BCOR: variants seen among roughly 807,000 people sequenced by gnomAD.
The protein encoded by BCOR is BCL-6 corepressor.
Under a neutral mutation model 86.7 loss-of-function variants are expected in BCOR, and 10 were observed. The observed-to-expected ratio is 0.12, with a 90% CI of 0.07 to 0.20. BCOR has a LOEUF of 0.20. Among genes scored for constraint, BCOR ranks in the 10% least tolerant of loss-of-function variants. The pLI is 1.00. For missense variants in BCOR, 1,259 were observed against 1,452.1 expected (o/e 0.87, Z 2.16); for synonymous variants, 611 against 609.0 (o/e 1.00, Z -0.05).
At chrX:40,133,552 C>T (rs758349580) in intron 1 of BCOR, among the ~76,000 whole-genome samples, 5 of 110,654 alleles carry the variant, frequency 4.5e-5, no homozygotes, top group South Asian at 3.9e-4. Flanking sequence ...CTCCGCCTCC[C>T]GGGTTCATGC....
chrX:40,105,135 G>A (rs1311740529), intron 1 of BCOR, among the ~76,000 whole-genome samples: 1 of 111,057 alleles, frequency 9.0e-6, no homozygotes, highest in Non-Finnish European at 1.9e-5. Flanking sequence ...GGGGTGCTGG[G>A]AGGCGCGCGG....
intron 1 of BCOR, among the ~76,000 whole-genome samples, chrX:40,094,170 C>T (rs1936740239): frequency 8.9e-6 from 1 of 111,772 alleles, no homozygotes; most frequent in African/African-American, 3.3e-5. Flanking sequence ...ACGGCCTTCC[C>T]TCCACCCAGC....
intron 1 of BCOR, among the ~76,000 whole-genome samples, chrX:40,131,508 G>A (rs1343941956): frequency 1.8e-5 from 2 of 111,973 alleles, no homozygotes; most frequent in East Asian, 2.8e-4. Flanking sequence ...TTAGCCAGGC[G>A]TGGTGGCACA....
rs5963737 is a variant in BCOR, at chrX:40,091,522, G to A, written c.-41+5693C>T. Among the ~76,000 whole-genome samples, 326 of 112,723 alleles carry A rather than the reference G, an allele frequency of 2.9e-3. 1 individual carries two copies. The highest frequency in any genetic ancestry group is 0.01 in the African/African-American group (311 of 31,053). ...CCCTCGATTGTAAACACATGGAGGT[G>A]AGCTTGCGCCCCAAAAGGGAGCCTT... On this transcript the variant is annotated intron_variant, in intron 1 of 14. Coordinates refer to ENST00000378444, the MANE Select transcript of BCOR (RefSeq NM_001123385.2).
At chrX:40,116,658 G>C (rs1040168439) in intron 1 of BCOR, among the ~76,000 whole-genome samples, 26 of 111,727 alleles carry the variant, frequency 2.3e-4, no homozygotes, top group South Asian at 1.9e-3. Context: ...CTGCCATCAC[G>C]GTGCAACACT....
At chrX:40,158,217 G>C (rs956385761) in intron 1 of BCOR, among the ~76,000 whole-genome samples, 3 of 112,522 alleles carry the variant, frequency 2.7e-5, no homozygotes, top group African/African-American at 9.7e-5. Context: ...ACTGGCCCTC[G>C]GGGTCCCCGT....
chrX:40,148,765 A>AC lies in BCOR; in HGVS notation c.-41+28241dup, dbSNP rs113366095. On this transcript the variant is annotated intron_variant, in intron 1 of 14. Transcript: ENST00000342274. ...TGAGGGAAGTAGGACAGATAGCATCACCCCCATTGGCAAAGGAGGGAAATG... is the reference window on the plus strand; with the variant it reads ...TGAGGGAAGTAGGACAGATAGCATCACCCCCCATTGGCAAAGGAGGGAAATG... 7.3e-4 allele frequency among the ~76,000 whole-genome samples: 81 copies of AC among 111,117 alleles called. 1 individual carries two copies. Among genetic ancestry groups the AC allele is most frequent in the African/African-American group, 2.6e-3 (78 of 30,522 alleles).
intron 1 of BCOR, among the ~76,000 whole-genome samples, chrX:40,160,523 A>G (rs1938392282): frequency 9.1e-6 from 1 of 109,498 alleles, no homozygotes; most frequent in East Asian, 2.8e-4. Flanking sequence ...CTCAAAAAAA[A>G]AAAAAAAAAA....
intron 1 of BCOR, among the ~76,000 whole-genome samples, chrX:40,112,337 C>G (rs1310214236): frequency 9.0e-6 from 1 of 111,045 alleles, no homozygotes; most frequent in Admixed American, 9.6e-5. Flanking sequence ...AAACTTCAAA[C>G]TTGGTATCTC....
Position 40,052,019 on chromosome X carries a change from G to A in BCOR, c.*90C>T. On this transcript the variant is annotated 3_prime_UTR_variant, in exon 15 of 15. Coordinates refer to ENST00000378444, the MANE Select transcript of BCOR (RefSeq NM_001123385.2). Reference sequence around the variant, plus strand: ...AGAAGAGATATTTTCATATGTAATAGTGTCCTTTCTTTACAGAAATAGTTG... The same window carrying A: ...AGAAGAGATATTTTCATATGTAATAATGTCCTTTCTTTACAGAAATAGTTG... 7.3e-6 allele frequency: 6 copies of A among 827,314 alleles called. No homozygotes were observed. Among genetic ancestry groups the A allele is most frequent in the South Asian group, 3.3e-5 (1 of 30,011 alleles). The allele number at this position is 827,314 out of a possible 1,213,427, so 68.2% of individuals were successfully genotyped here. A position where few individuals can be genotyped will look rare whatever the true frequency, so the allele number is the denominator to read the frequency against.
In BCOR at chrX:40,063,961, G is replaced by A; in HGVS notation, c.3503-9C>T. 1 of 974,504 alleles carries A rather than the reference G, an allele frequency of 1.0e-6. No individual in the cohort carries two copies. Among genetic ancestry groups the A allele is most frequent in the South Asian group, 2.0e-5 (1 of 49,551 alleles). The allele number at this position is 974,504 out of a possible 1,213,427, so 80.3% of individuals were successfully genotyped here. Reference sequence around the variant, plus strand: ...CCTCTCAGGCCAGTCATCTAATGGAGAAATAACTACAAATTAATCAAAAAG... The same window carrying A: ...CCTCTCAGGCCAGTCATCTAATGGAAAAATAACTACAAATTAATCAAAAAG... On this transcript the variant is annotated splice_polypyrimidine_tract_variant and intron_variant, in intron 7 of 14. Transcript: ENST00000378444.
At chrX:40,176,132 A>G (rs1938745257) in intron 1 of BCOR, among the ~76,000 whole-genome samples, 1 of 112,840 alleles carries the variant, frequency 8.9e-6, no homozygotes, top group Admixed American at 9.2e-5. Flanking sequence ...ACCACCGGCC[A>G]CGAGGCCACC....
chrX:40,084,551 T>C (rs1936260761), intron 1 of BCOR, among the ~76,000 whole-genome samples: 1 of 111,729 alleles, frequency 9.0e-6, no homozygotes, highest in South Asian at 3.8e-4. Context: ...TTTGATCTAG[T>C]CCCTGCAGAA....
intron 1 of BCOR, among the ~76,000 whole-genome samples, chrX:40,148,967 C>G (rs992539971): frequency 6.3e-5 from 7 of 111,091 alleles, no homozygotes; most frequent in Non-Finnish European, 1.3e-4. Context: ...AATGCACAGT[C>G]CAGTTAGGGA....
At chrX:40,141,687 C>A (rs904198313) in intron 1 of BCOR, among the ~76,000 whole-genome samples, 1 of 110,520 alleles carries the variant, frequency 9.0e-6, no homozygotes, top group African/African-American at 3.3e-5. Flanking sequence ...AGAGCTGTAG[C>A]GTGTGCTTTT....
intron 1 of BCOR, among the ~76,000 whole-genome samples, chrX:40,087,471 C>T (rs1397775395): frequency 1.8e-5 from 2 of 112,606 alleles, no homozygotes; most frequent in African/African-American, 3.2e-5. Flanking sequence ...CAGACAAATA[C>T]TTATTCTTTG....
At chrX:40,147,686 T>G in intron 1 of BCOR, among the ~76,000 whole-genome samples, 1 of 111,870 alleles carries the variant, frequency 8.9e-6, no homozygotes, top group East Asian at 2.8e-4. Flanking sequence ...AAAGCGGGAG[T>G]AGAGAGCCAG....
chrX:40,147,149 T>C (rs1440849698), intron 1 of BCOR, among the ~76,000 whole-genome samples: 1 of 110,472 alleles, frequency 9.1e-6, no homozygotes, highest in East Asian at 2.9e-4. Context: ...ACGTGCACTC[T>C]GGATACCCTC....
At chrX:40,155,584 G>T (rs1490392518) in intron 1 of BCOR, among the ~76,000 whole-genome samples, 5 of 110,532 alleles carry the variant, frequency 4.5e-5, no homozygotes, top group Admixed American at 1.9e-4. Flanking sequence ...GGCCTTGGAC[G>T]CGAGGAGACC....
Sources: allele counts gnomAD v4.1 joint callset (sites outside exome capture counted in the v4.1 genomes callset), GRCh38; gene constraint gnomAD v4.1.1; transcripts MANE v1.5; gene names NCBI Gene and HGNC (gene_info 2026-07-23, HGNC 2026-07-21).